HLCS: variants seen among roughly 807,000 people sequenced by gnomAD.
HLCS encodes the protein biotin--protein ligase.
Under a neutral mutation model 75.0 loss-of-function variants are expected in HLCS, and 53 were observed. The ratio of observed to expected loss-of-function variants is 0.71; its 90% CI spans 0.57 to 0.89. HLCS has a LOEUF of 0.89. HLCS is among the 40% of genes least tolerant of loss of function. The pLI, the probability that HLCS is intolerant of heterozygous loss-of-function variation, is 0.00. For missense variants in HLCS, 966 were observed against 1,074.0 expected, an observed-to-expected ratio of 0.90 and a Z score of 1.41; for synonymous variants, 431 against 428.6, an observed-to-expected ratio of 1.01 and a Z score of -0.07.
chr21:36,817,838 C>T (rs1447373705), intron 6 of HLCS, among the ~76,000 whole-genome samples: 1 of 152,194 alleles, frequency 6.6e-6, no homozygotes, highest in Non-Finnish European at 1.5e-5. Flanking sequence ...CTTAATTAGT[C>T]CAACGATCCT....
chr21:36,926,876 A>G (rs2845816), intron 5 of HLCS, among the ~76,000 whole-genome samples: 135,314 of 151,942 alleles, frequency 0.89, 60,304 homozygotes, highest in South Asian at 0.97. Context: ...CCGAGTAGCT[A>G]GGACTACAGG....
At chr21:36,927,145 T>A (rs1002755737) in intron 5 of HLCS, among the ~76,000 whole-genome samples, 1 of 152,228 alleles carries the variant, frequency 6.6e-6, no homozygotes, top group African/African-American at 2.4e-5. Context: ...CAAATTTCAA[T>A]CCTGCTCCTG....
At chr21:36,778,322 C>T (rs1477156928) in intron 6 of HLCS, among the ~76,000 whole-genome samples, 4 of 151,578 alleles carry the variant, frequency 2.6e-5, no homozygotes, top group Admixed American at 6.6e-5. Context: ...CTCTATCACC[C>T]AGGCTGGAAT....
At chr21:36,966,712 G>C, upstream of HLCS, 1 of 759,264 alleles carries the variant, frequency 1.3e-6, no homozygotes, top group Non-Finnish European at 1.6e-6. Context: ...CGCCCCGGCC[G>C]GAAGGGCCGC....
rs180894675 is a variant in HLCS at position 36,772,925 on chromosome 21, G to A, written c.1893-5640C>T. 3.4e-5 allele frequency among the ~76,000 whole-genome samples: 5 copies of A among 146,794 alleles called. No homozygotes were observed. In the East Asian group the frequency reaches 8.2e-4, roughly 24 times the overall value. ...GAACCTGGGAGGCAGAGGTTGCAGT[G>A]AGCCAAGATTGTCCCACTGCACTCC... On this transcript the variant is annotated intron_variant, in intron 6 of 10. Coordinates refer to ENST00000674895, the MANE Select transcript of HLCS (RefSeq NM_001352514.2).
intron 6 of HLCS, among the ~76,000 whole-genome samples, chr21:36,888,442 AAAAATATATATATATATATATATAT>A (rs1355090442): frequency 1.2e-3 from 39 of 31,536 alleles, no homozygotes; most frequent in Admixed American, 4.3e-3. Flanking sequence ...TAAAAAAAAA[AAAAATATATATATATATATATATAT>A]ATATATATAT....
At chr21:36,965,343 G>A (rs139850245) in intron 1 of HLCS, among the ~76,000 whole-genome samples, 5 of 152,334 alleles carry the variant, frequency 3.3e-5, no homozygotes, top group African/African-American at 1.2e-4. Context: ...ATATTAATGA[G>A]AACAATGCTA....
intron 1 of HLCS, 59 bp from the exon 2 acceptor site, chr21:36,962,229 T>G (rs1440415035): frequency 1.7e-6 from 2 of 1,181,980 alleles, no homozygotes; most frequent in African/African-American, 3.2e-5. Flanking sequence ...CTGCCATAAA[T>G]TTCAACCCCC....
At chr21:36,865,404 A>G (rs1237766048) in intron 6 of HLCS, among the ~76,000 whole-genome samples, 1 of 152,106 alleles carries the variant, frequency 6.6e-6, no homozygotes, top group Non-Finnish European at 1.5e-5. Flanking sequence ...AAGATGGAAA[A>G]AGATGAAAAA....
chr21:36,837,007 A>C (rs1450355378), intron 6 of HLCS, among the ~76,000 whole-genome samples: 1 of 152,140 alleles, frequency 6.6e-6, no homozygotes, highest in African/African-American at 2.4e-5. Context: ...AACATGGTGA[A>C]ACCCCATGTC....
At chr21:36,936,349 A>G in intron 4 of HLCS, 100 bp downstream of exon 4, 7 of 1,057,638 alleles carry the variant, frequency 6.6e-6, no homozygotes, top group Non-Finnish European at 8.8e-6. Context: ...CAGCACACGA[A>G]CTCCTGAAAC....
chr21:36,856,030 CAG>C (rs2063180628), intron 6 of HLCS, among the ~76,000 whole-genome samples: 1 of 151,898 alleles, frequency 6.6e-6, no homozygotes, highest in African/African-American at 2.4e-5. Flanking sequence ...TCCATAGAAA[CAG>C]AAAGTAGATG....
At chr21:36,866,660 G>T (rs78771762) in intron 6 of HLCS, among the ~76,000 whole-genome samples, 1 of 152,174 alleles carries the variant, frequency 6.6e-6, no homozygotes, top group Admixed American at 6.5e-5. Context: ...AAGCAATCTT[G>T]CTCCATGTCA....
rs148707346 is a variant in HLCS at position 36,856,548 on chromosome 21, C to T, written c.1892+40312G>A. ...AAAAGACATAAATAACACACACCACCGCCAATAGTAGTCCTTTGAAACCCT... is the reference window on the plus strand; with the variant it reads ...AAAAGACATAAATAACACACACCACTGCCAATAGTAGTCCTTTGAAACCCT... On this transcript the variant is annotated intron_variant, in intron 6 of 10. Transcript: ENST00000674895. 4.3e-4 allele frequency among the ~76,000 whole-genome samples: 66 copies of T among 152,154 alleles called. 1 individual carries two copies. The highest frequency in any genetic ancestry group is 1.5e-3 in the African/African-American group (63 of 41,504).
Position 36,755,397 on chromosome 21 carries a change from A to C in HLCS, c.2451-980T>G, listed in dbSNP as rs183715037. The stretch of plus-strand genomic sequence containing the variant: ...CCAGTGACAGAGCAAGACCCTCTCT[A>C]AAAAAAAAAAAAGTGAAAATAAAAA... On this transcript the variant is annotated intron_variant, in intron 10 of 10. Transcript: ENST00000674895. Among the ~76,000 whole-genome samples the C allele has an allele frequency of 3.0e-4, 40 of 131,316 alleles. 1 individual carries two copies. In the East Asian group the frequency reaches 7.0e-3, roughly 23 times the overall value. The allele number at this position is 131,316 out of a possible 152,430, so 86.1% of individuals were successfully genotyped here. A position where few individuals can be genotyped will look rare whatever the true frequency, so the allele number is the denominator to read the frequency against.
At chr21:36,770,503 G>T (rs2060172582) in intron 6 of HLCS, among the ~76,000 whole-genome samples, 1 of 151,910 alleles carries the variant, frequency 6.6e-6, no homozygotes, top group East Asian at 1.9e-4. Flanking sequence ...GCAGGAAGGA[G>T]ATTAGACAAA....
At chr21:36,956,834 T>C (rs1193649484) in intron 2 of HLCS, among the ~76,000 whole-genome samples, 4 of 151,950 alleles carry the variant, frequency 2.6e-5, no homozygotes, top group South Asian at 2.1e-4. Flanking sequence ...GCAGATCACC[T>C]GAGGTCAGGA....
chr21:36,761,364 T>C lies in HLCS; in HGVS notation c.2122-1523A>G, dbSNP rs963953779. Among the ~76,000 whole-genome samples, 3 of 152,288 alleles carry C rather than the reference T, an allele frequency of 2.0e-5. No individual in the cohort carries two copies. In the South Asian group the frequency reaches 6.2e-4, roughly 32 times the overall value. On this transcript the variant is annotated intron_variant, in intron 8 of 10. Coordinates refer to ENST00000674895, the MANE Select transcript of HLCS (RefSeq NM_001352514.2). ...TTGACTTCGGCCCGTTAGAGCATATTGGAAGCTCATCTGCCCTAAAACAGT... is the reference window on the plus strand; with the variant it reads ...TTGACTTCGGCCCGTTAGAGCATATCGGAAGCTCATCTGCCCTAAAACAGT...
chr21:36,956,999 G>A (rs1430706669), intron 2 of HLCS, among the ~76,000 whole-genome samples: 1 of 148,550 alleles, frequency 6.7e-6, no homozygotes, highest in East Asian at 2.0e-4. Flanking sequence ...GTTGCAGTGA[G>A]CCAAGATTGC....
Sources: gnomAD v4.1 joint callset for allele counts (sites outside exome capture counted in the v4.1 genomes callset) on GRCh38, gnomAD v4.1.1 for gene constraint, MANE v1.5 for transcripts, NCBI Gene and HGNC (gene_info 2026-07-23, HGNC 2026-07-21) for gene names.